TLK1: variants seen among roughly 807,000 people sequenced by gnomAD.
TLK1 encodes tousled like kinase 1.
A neutral mutation model predicts 105.3 loss-of-function variants in TLK1; 24 were observed. The ratio of observed to expected loss-of-function variants is 0.23; its 90% CI spans 0.17 to 0.32. The LOEUF (loss-of-function observed/expected upper bound fraction) is 0.32, where lower values mean the gene tolerates loss of function less well. Among genes scored for constraint, TLK1 ranks in the 10% least tolerant of loss-of-function variants. The probability of loss-of-function intolerance (pLI) is 1.00; values close to 1 mark genes in which losing one functional copy is unlikely to be tolerated. For missense variants in TLK1, 558 were observed against 910.5 expected (o/e 0.61, Z 4.98); for synonymous variants, 321 against 310.4 (o/e 1.03, Z -0.36).
chr2:171,016,207 T>C (rs1416650037), intron 12 of TLK1, among the ~76,000 whole-genome samples: 1 of 152,170 alleles, frequency 6.6e-6, no homozygotes, highest in Non-Finnish European at 1.5e-5. Context: ...AGTGGCATGA[T>C]CACAGTTCAC....
intron 1 of TLK1, among the ~76,000 whole-genome samples, chr2:171,172,870 CA>C (rs1692755829): frequency 6.6e-6 from 1 of 152,166 alleles, no homozygotes; most frequent in African/African-American, 2.4e-5. Flanking sequence ...TTCTTTATAG[CA>C]GTGAGAAAAC....
At chr2:171,190,541 A>T (rs1001054511) in intron 1 of TLK1, among the ~76,000 whole-genome samples, 8 of 152,246 alleles carry the variant, frequency 5.3e-5, no homozygotes, top group African/African-American at 1.7e-4. Flanking sequence ...ATTTTACATG[A>T]CATTTCCAAC....
At chr2:171,120,049 C>A (rs1052603465) in intron 1 of TLK1, among the ~76,000 whole-genome samples, 2 of 151,992 alleles carry the variant, frequency 1.3e-5, no homozygotes, top group African/African-American at 4.8e-5. Flanking sequence ...CAGTTCGAGA[C>A]TAGCCTGGCC....
rs555439701 is a variant in TLK1, at chr2:171,160,117, G to A, written c.139+173C>T. On this transcript the variant is annotated intron_variant, in intron 1 of 20. Coordinates refer to ENST00000431350, the MANE Select transcript of TLK1 (RefSeq NM_012290.5). This position sits in a 1 kb window ranked among gnomAD's most constrained non-coding sequence, Gnocchi z 4.4. ...CCGCGAACCACCATCCACAGCCAGG[G>A]CACTACCTCCCCAGAGCCGGGGAGC... Among the ~76,000 whole-genome samples, 3 of 149,920 alleles carry A rather than the reference G, an allele frequency of 2.0e-5. No homozygotes were observed. Among genetic ancestry groups the A allele is most frequent in the Middle Eastern group, 3.4e-3 (1 of 290 alleles).
chr2:171,006,858 C>T lies in TLK1; in HGVS notation c.1540G>A (p.Glu514Lys). 1 of 1,613,122 alleles carries T rather than the reference C, an allele frequency of 6.2e-7. No individual in the cohort carries two copies. The highest frequency in any genetic ancestry group is 8.5e-7 in the Non-Finnish European group (1 of 1,179,424). Residue 514 changes from glutamate to lysine, a missense_variant, in exon 16 of 21, where the codon GAA becomes AAA. By Grantham distance (56) the Glu-to-Lys change is moderately conservative (BLOSUM62 1). Transcript: ENST00000431350. ...TTAACTATTCTGGGGTGATCCAGTT[C>T]TTTGTGTATTCTATACTCTCTGCAG... is the stretch of plus-strand genomic sequence containing the variant. ...HACREYRIHKELDHPRIVKLY... is the reference protein window; with the variant it reads ...HACREYRIHKKLDHPRIVKLY...
chr2:171,159,556 C>T (rs1692369016), intron 1 of TLK1: 1 of 152,230 alleles, frequency 6.6e-6, no homozygotes, highest in Admixed American at 6.5e-5. Flanking sequence ...CCACAAAACC[C>T]ACGACCCTGT....
chr2:171,068,680 T>C (rs1289935980), intron 3 of TLK1, among the ~76,000 whole-genome samples: 1 of 152,098 alleles, frequency 6.6e-6, no homozygotes, highest in Non-Finnish European at 1.5e-5. Flanking sequence ...TTAGGAACAG[T>C]CTGTCTGTCT....
chr2:170,999,223 A>AT (rs920617680), intron 18 of TLK1, among the ~76,000 whole-genome samples: 25 of 148,164 alleles, frequency 1.7e-4, no homozygotes, highest in African/African-American at 5.5e-4. Context: ...GGAATTTACT[A>AT]TTTTTTTTAA....
intron 1 of TLK1, among the ~76,000 whole-genome samples, chr2:171,142,530 A>C (rs1691622298): frequency 6.6e-6 from 1 of 152,238 alleles, no homozygotes; most frequent in South Asian, 2.1e-4. Context: ...TGAGATAAAG[A>C]GGGACACGTC....
At position 171,107,963 on chromosome 2, in the gene TLK1, A is replaced by T. The variant is rs765676416; in HGVS notation, c.258+9776T>A. ...TCCAAGCTACTCAGGAGGCTTACGC[A>T]TGAGGATCACTTGAGCCTAGGAGGC... On this transcript the variant is annotated intron_variant, in intron 2 of 20. Transcript: ENST00000431350. Among the ~76,000 whole-genome samples the T allele has an allele frequency of 2.4e-3, 367 of 151,814 alleles. 2 individuals are homozygous for T. The highest frequency in any genetic ancestry group is 4.6e-3 in the Admixed American group (70 of 15,224).
At position 171,160,731 on chromosome 2, in the gene TLK1, G is replaced by C. The variant is rs370760456; in HGVS notation, c.-303C>G. ...CGGAGGCGTCGAGGGGGTGCCAGCC[G>C]GGCCGGGGTCGGAGCGCGGGCGGAG... On this transcript the variant is annotated 5_prime_UTR_variant, in exon 1 of 21. Coordinates refer to ENST00000431350, the MANE Select transcript of TLK1 (RefSeq NM_012290.5). The surrounding 1 kb of genome is among the most constrained non-coding windows in gnomAD (Gnocchi z 4.4). 6.6e-6 allele frequency: 3 copies of C among 452,824 alleles called. No individual in the cohort carries two copies. Among genetic ancestry groups the C allele is most frequent in the Non-Finnish European group, 1.1e-5 (3 of 264,238 alleles). The allele number at this position is 452,824 out of a possible 1,614,324, so 28.1% of individuals were successfully genotyped here.
intron 3 of TLK1, among the ~76,000 whole-genome samples, chr2:171,079,120 G>T (rs1688638705): frequency 6.6e-6 from 1 of 152,210 alleles, no homozygotes; most frequent in Non-Finnish European, 1.5e-5. Flanking sequence ...AGTAGTGGCT[G>T]AGAATCACTG....
chr2:170,997,625 T>C, intron 19 of TLK1, 87 bp downstream of exon 19: 2 of 712,450 alleles, frequency 2.8e-6, no homozygotes, highest in Non-Finnish European at 4.4e-6. Flanking sequence ...TAAATTGACT[T>C]TAAGTTAGTG....
Position 171,139,688 on chromosome 2 carries a change from A to C in TLK1, c.139+20602T>G, listed in dbSNP as rs534455006. ...TAGTTCTGCTTCCAATTAAACCTAC[A>C]ATTCCAGATGGCTAACTGCTCCACA... On this transcript the variant is annotated intron_variant, in intron 1 of 20. Transcript: ENST00000431350. Among the ~76,000 whole-genome samples the C allele has an allele frequency of 1.8e-4, 28 of 152,212 alleles. No homozygotes were observed. The South Asian group carries it at 5.4e-3, about 29-fold the overall frequency.
intron 2 of TLK1, among the ~76,000 whole-genome samples, chr2:171,102,509 T>C (rs1057300505): frequency 6.6e-6 from 1 of 152,202 alleles, no homozygotes; most frequent in African/African-American, 2.4e-5. Flanking sequence ...CAAATTCATA[T>C]GCTATCAGGG....
At chr2:171,176,129 A>G (rs75140418) in intron 1 of TLK1, among the ~76,000 whole-genome samples, 12,921 of 151,852 alleles carry the variant, frequency 0.085, 1,097 homozygotes, top group East Asian at 0.29. Context: ...TAGTAGACAC[A>G]GGGTTTCTCC....
intron 18 of TLK1, among the ~76,000 whole-genome samples, chr2:171,005,042 G>A (rs1684582510): frequency 3.9e-5 from 6 of 152,206 alleles, no homozygotes; most frequent in Admixed American, 3.9e-4. Context: ...TGGTTATGAT[G>A]TGCTCAGTTT....
chr2:171,139,802 A>G (rs1691492504), intron 1 of TLK1, among the ~76,000 whole-genome samples: 1 of 92,258 alleles, frequency 1.1e-5, no homozygotes, highest in Admixed American at 1.7e-4. Context: ...CAATTTTTCC[A>G]TGGACCAGGG....
chr2:170,998,045 T>TC (rs1684150880), intron 18 of TLK1, among the ~76,000 whole-genome samples: 1 of 127,094 alleles, frequency 7.9e-6, no homozygotes, highest in African/African-American at 3.1e-5. Flanking sequence ...TCTATCTATC[T>TC]TTATCTATCT....
Sources: allele counts gnomAD v4.1 joint callset (sites outside exome capture counted in the v4.1 genomes callset), GRCh38; gene constraint gnomAD v4.1.1; non-coding constraint Gnocchi (gnomAD v3.1); transcripts MANE v1.5; gene names NCBI Gene and HGNC (gene_info 2026-07-23, HGNC 2026-07-21).